KATNBL1: variants seen among roughly 807,000 people sequenced by gnomAD.
The protein encoded by KATNBL1 is KATNB1-like protein 1.
Under a neutral mutation model 44.7 loss-of-function variants are expected in KATNBL1, and 28 were observed. The ratio of observed to expected loss-of-function variants is 0.63; its 90% confidence interval spans 0.46 to 0.86. The LOEUF is 0.86. Ranked by LOEUF, KATNBL1 falls within the 40% of genes least tolerant of loss-of-function variation. KATNBL1 has a pLI of 0.00. For synonymous variants in KATNBL1, 78 were observed against 114.9 expected (o/e 0.68, Z 2.06); for missense variants, 272 against 350.7 (o/e 0.78, Z 1.79).
rs1597435236 is a variant in KATNBL1 at position 34,161,097 on chromosome 15, C to G, written c.117+2463G>C. On this transcript the variant is annotated intron_variant, in intron 2 of 9. Transcript: ENST00000256544. ...GCTGTATGAGGTGACTACGAAACCACAAATCCGGACTCAACACTCGCTTTG... is the reference window on the plus strand; with the variant it reads ...GCTGTATGAGGTGACTACGAAACCAGAAATCCGGACTCAACACTCGCTTTG... Among the ~76,000 whole-genome samples the G allele has an allele frequency of 2.6e-5, 4 of 152,318 alleles. No homozygotes were observed. The South Asian group carries it at 8.3e-4, about 32-fold the overall frequency.
chr15:34,197,619 C>T (rs1322457441), intron 1 of KATNBL1, among the ~76,000 whole-genome samples: 1 of 152,154 alleles, frequency 6.6e-6, no homozygotes, highest in Non-Finnish European at 1.5e-5. Context: ...AGGGTTATTT[C>T]TAAATAGTGG....
chr15:34,209,003 T>C (rs1030770886), intron 1 of KATNBL1: 1 of 152,172 alleles, frequency 6.6e-6, no homozygotes, highest in Non-Finnish European at 1.5e-5. Context: ...ACAGTATATA[T>C]CCCAAAGTAA....
intron 1 of KATNBL1, among the ~76,000 whole-genome samples, chr15:34,176,582 G>A (rs569521149): frequency 6.6e-6 from 1 of 152,228 alleles, no homozygotes; most frequent in Non-Finnish European, 1.5e-5. Flanking sequence ...ATAGGCACAA[G>A]GTTTCTTTTT....
chr15:34,209,541 G>A (rs1890376922), intron 1 of KATNBL1: 1 of 152,170 alleles, frequency 6.6e-6, no homozygotes, highest in Non-Finnish European at 1.5e-5. Flanking sequence ...AGGACCCGTC[G>A]GAAAATAAGG....
intron 1 of KATNBL1, among the ~76,000 whole-genome samples, chr15:34,190,089 C>T (rs1347769925): frequency 2.0e-5 from 3 of 151,998 alleles, no homozygotes; most frequent in South Asian, 2.1e-4. Flanking sequence ...GGACTACAGG[C>T]GCCCGCCACC....
Position 34,184,576 on chromosome 15 carries a change from C to CTTTTCTTTTTTTTTTT in KATNBL1, c.-14-20887_-14-20886insAAAAAAAAAAAGAAAA, listed in dbSNP as rs760395860. Among the ~76,000 whole-genome samples, 231 of 95,208 alleles carry CTTTTCTTTTTTTTTTT rather than the reference C, an allele frequency of 2.4e-3. 4 individuals carry two copies. The highest frequency in any genetic ancestry group is 3.3e-3 in the African/African-American group (85 of 25,514). 62.5% of individuals were successfully genotyped at this position (95,208 alleles called of 152,430 possible). ...ATACTTCCTGTCTCTCCTAATGTTT[C>CTTTTCTTTTTTTTTTT]TTTTTTTTTTTTTTGAGACAGAGTC... On this transcript the variant is annotated intron_variant, in intron 1 of 9. Coordinates refer to ENST00000256544, the MANE Select transcript of KATNBL1 (RefSeq NM_024713.3).
At chr15:34,153,511 G>A (rs1888546437) in intron 3 of KATNBL1, among the ~76,000 whole-genome samples, 3 of 152,164 alleles carry the variant, frequency 2.0e-5, no homozygotes. Flanking sequence ...GTTTAATACA[G>A]TGGTTCTCAA....
In KATNBL1 at chr15:34,154,691, A is replaced by T. The variant is rs752073124; in HGVS notation, c.118-7T>A. The T allele has an allele frequency of 1.9e-6, 3 of 1,559,184 alleles. No individual in the cohort carries two copies. In the East Asian group the frequency reaches 6.7e-5, roughly 35 times the overall value. On this transcript the variant is annotated splice_region_variant and splice_polypyrimidine_tract_variant and intron_variant, in intron 2 of 9. Coordinates refer to ENST00000256544, the MANE Select transcript of KATNBL1 (RefSeq NM_024713.3). ...GTTTTGGAGATTTCTTAACCTGAAA[A>T]ATGAAAGTAGATAGTTGATGTTAGA...
intron 1 of KATNBL1, among the ~76,000 whole-genome samples, chr15:34,175,712 T>TC (rs1889309755): frequency 6.6e-6 from 1 of 152,198 alleles, no homozygotes; most frequent in Non-Finnish European, 1.5e-5. Flanking sequence ...AAGAACTGGA[T>TC]CCCTCACGCA....
At chr15:34,177,872 A>T (rs944722295) in intron 1 of KATNBL1, 11 of 152,126 alleles carry the variant, frequency 7.2e-5, no homozygotes, top group African/African-American at 2.4e-4. Flanking sequence ...TCCTCTTGAA[A>T]ATCAAAGCAT....
chr15:34,164,387 C>G (rs1015750313), intron 1 of KATNBL1, among the ~76,000 whole-genome samples: 4 of 152,164 alleles, frequency 2.6e-5, no homozygotes, highest in Non-Finnish European at 1.5e-5. Context: ...GCAACTAAAT[C>G]ACTGGGTCAA....
At position 34,181,489 on chromosome 15, in the gene KATNBL1, A is replaced by C. The variant is rs540901683; in HGVS notation, c.-14-17799T>G. On this transcript the variant is annotated intron_variant, in intron 1 of 9. Coordinates refer to ENST00000256544, the MANE Select transcript of KATNBL1 (RefSeq NM_024713.3). Reference sequence around the variant, plus strand: ...TTCATAATTAGAGACATTACTATTAAAAATTAATAATTAATTTTTTAAATT... The same window carrying C: ...TTCATAATTAGAGACATTACTATTACAAATTAATAATTAATTTTTTAAATT... 3.3e-5 allele frequency among the ~76,000 whole-genome samples: 5 copies of C among 150,878 alleles called. No individual in the cohort carries two copies. The South Asian group carries it at 1.0e-3, about 31-fold the overall frequency.
At chr15:34,207,206 A>C (rs1033753901) in intron 1 of KATNBL1, among the ~76,000 whole-genome samples, 3 of 151,340 alleles carry the variant, frequency 2.0e-5, no homozygotes, top group African/African-American at 7.3e-5. Context: ...CACCTGCCTA[A>C]TTTTATTTTA....
intron 2 of KATNBL1, among the ~76,000 whole-genome samples, chr15:34,159,188 G>T (rs1004544771): frequency 6.6e-6 from 1 of 152,034 alleles, no homozygotes; most frequent in Non-Finnish European, 1.5e-5. Context: ...TGCTGCTACA[G>T]ATTGAATACA....
At position 34,140,900 on chromosome 15, in the gene KATNBL1, A is replaced by T. The variant is rs1888134971; in HGVS notation, c.*1439T>A. On this transcript the variant is annotated 3_prime_UTR_variant, in exon 10 of 10. Transcript: ENST00000256544. ...ATATCTAGCTATATAAAATATAGCTACACAAAACCAGAACTCAGTGAAACA... is the reference window on the plus strand; with the variant it reads ...ATATCTAGCTATATAAAATATAGCTTCACAAAACCAGAACTCAGTGAAACA... The T allele has an allele frequency of 6.6e-6, 1 of 152,190 alleles. No homozygotes were observed. Among genetic ancestry groups the T allele is most frequent in the Admixed American group, 6.5e-5 (1 of 15,270 alleles). 9.4% of individuals were successfully genotyped at this position (152,190 alleles called of 1,614,324 possible). A position where few individuals can be genotyped will look rare whatever the true frequency, so the allele number is the denominator to read the frequency against.
At chr15:34,143,922 G>A (rs1237950316) in intron 9 of KATNBL1, among the ~76,000 whole-genome samples, 1 of 131,098 alleles carries the variant, frequency 7.6e-6, no homozygotes, top group Non-Finnish European at 1.5e-5. Flanking sequence ...AGCCGAGATT[G>A]CGCCACCACA....
intron 1 of KATNBL1, among the ~76,000 whole-genome samples, chr15:34,169,425 C>A (rs1309282246): frequency 2.6e-5 from 4 of 152,100 alleles, no homozygotes; most frequent in Non-Finnish European, 5.9e-5. Flanking sequence ...CAATAACAGG[C>A]TCTGAAATTG....
chr15:34,145,363 TTAA>T lies in KATNBL1; in HGVS notation c.882+32_882+34del, dbSNP rs558921606. Reference sequence around the variant, plus strand: ...AAATGTAAAATATTATTTCTAATTTTTAATGTTTAATTTATAAGCTTAAATATA... The same window carrying T: ...AAATGTAAAATATTATTTCTAATTTTTGTTTAATTTATAAGCTTAAATATA... On this transcript the variant is annotated intron_variant, in intron 9 of 9. Coordinates refer to ENST00000256544, the MANE Select transcript of KATNBL1 (RefSeq NM_024713.3). 1.5e-4 allele frequency: 204 copies of T among 1,356,998 alleles called. 1 individual carries two copies. The highest frequency in any genetic ancestry group is 1.9e-4 in the Non-Finnish European group (199 of 1,040,468). 84.1% of individuals were successfully genotyped at this position (1,356,998 alleles called of 1,614,324 possible).
chr15:34,154,598 AG>A, intron 3 of KATNBL1, 45 bp downstream of exon 3: 1 of 1,190,264 alleles, frequency 8.4e-7, no homozygotes, highest in South Asian at 1.2e-5. Context: ...ATCCTTACCC[AG>A]CTTTCATATT....
Sources: gnomAD v4.1 joint callset for allele counts (sites outside exome capture counted in the v4.1 genomes callset) on GRCh38, gnomAD v4.1.1 for gene constraint, MANE v1.5 for transcripts, NCBI Gene and HGNC (gene_info 2026-07-23, HGNC 2026-07-21) for gene names.